PTX3: variants seen among roughly 807,000 people sequenced by gnomAD.
The protein encoded by PTX3 is pentraxin 3.
In PTX3, 24 loss-of-function variants were observed where a neutral mutation model predicts 23.5. The ratio of observed to expected loss-of-function variants is 1.02; its 90% CI spans 0.74 to 1.43. The LOEUF (loss-of-function observed/expected upper bound fraction) is 1.43, where lower values mean the gene tolerates loss of function less well. Ranked by LOEUF, PTX3 falls within the 40% of genes most tolerant of loss-of-function variation. The probability of loss-of-function intolerance (pLI) is 0.00; values close to 1 mark genes in which losing one functional copy is unlikely to be tolerated. For synonymous variants in PTX3, 218 were observed against 205.4 expected (o/e 1.06, Z -0.53); for missense variants, 510 against 497.5 (o/e 1.02, Z -0.24).
intron 2 of PTX3, among the ~76,000 whole-genome samples, chr3:157,440,387 C>T (rs1734024748): frequency 6.6e-6 from 1 of 152,198 alleles, no homozygotes; most frequent in South Asian, 2.1e-4. Flanking sequence ...GAGCCTACCC[C>T]TGAGCCACTT....
intron 2 of PTX3, 123 bp downstream of exon 2, chr3:157,438,037 GCACACACACACACACACACA>G (rs781700719): frequency 1.6e-5 from 8 of 516,032 alleles, no homozygotes; most frequent in Non-Finnish European, 2.5e-5. Context: ...GCGCGCGCGC[GCACACACACACACACACACA>G]CACACACACA....
In PTX3 at chr3:157,443,016, C is replaced by T. The variant is rs1734262023; in HGVS notation, c.*37C>T. The T allele has an allele frequency of 6.4e-7, 1 of 1,559,252 alleles. No homozygotes were observed. Among genetic ancestry groups the T allele is most frequent in the Non-Finnish European group, 8.7e-7 (1 of 1,155,658 alleles). On this transcript the variant is annotated 3_prime_UTR_variant, in exon 3 of 3. Coordinates refer to ENST00000295927, the MANE Select transcript of PTX3 (RefSeq NM_002852.4). Reference sequence around the variant, plus strand: ...CTCCACTTGAAGCCAAAGAAAGAAACTCACACTTAAAACACATGCCAGTTG... The same window carrying T: ...CTCCACTTGAAGCCAAAGAAAGAAATTCACACTTAAAACACATGCCAGTTG...
intron 2 of PTX3, among the ~76,000 whole-genome samples, chr3:157,439,433 C>G (rs755366530): frequency 6.6e-6 from 1 of 152,208 alleles, no homozygotes; most frequent in Non-Finnish European, 1.5e-5. Flanking sequence ...TCCTAAGAAC[C>G]TGGTTTTAAT....
In PTX3 at chr3:157,436,871, A is replaced by C; in HGVS notation, c.-63A>C. On this transcript the variant is annotated 5_prime_UTR_variant, in exon 1 of 3. Coordinates refer to ENST00000295927, the MANE Select transcript of PTX3 (RefSeq NM_002852.4). ...TCTCACTCTCACTCTCCTCCGCTCA[A>C]ACTCAGCTCACTTGAGAGTCTCCTC... The C allele has an allele frequency of 1.9e-6, 3 of 1,572,290 alleles. No individual in the cohort carries two copies. The highest frequency in any genetic ancestry group is 2.6e-6 in the Non-Finnish European group (3 of 1,153,696).
chr3:157,441,928 A>G (rs1023604291), intron 2 of PTX3, among the ~76,000 whole-genome samples: 27 of 152,176 alleles, frequency 1.8e-4, no homozygotes, highest in African/African-American at 5.1e-4. Flanking sequence ...CAGGTTTATT[A>G]TTTTAGGAAC....
chr3:157,438,498 CTT>C (rs1733854546), intron 2 of PTX3, among the ~76,000 whole-genome samples: 1 of 152,172 alleles, frequency 6.6e-6, no homozygotes, highest in Non-Finnish European at 1.5e-5. Context: ...CAGCGGAATT[CTT>C]CAGGGGTCCC....
intron 2 of PTX3, among the ~76,000 whole-genome samples, chr3:157,440,398 G>A (rs2109222991): frequency 6.6e-6 from 1 of 152,206 alleles, no homozygotes; most frequent in African/African-American, 2.4e-5. Flanking sequence ...TGAGCCACTT[G>A]TAGGAATCTG....
intron 1 of PTX3, 59 bp downstream of exon 1, chr3:157,437,122 A>G: frequency 6.3e-7 from 1 of 1,584,754 alleles, no homozygotes; most frequent in South Asian, 1.1e-5. Context: ...CTCTTGGTCT[A>G]AATAACACAC....
intron 2 of PTX3, among the ~76,000 whole-genome samples, chr3:157,439,347 A>G (rs1192686418): frequency 6.6e-6 from 1 of 152,196 alleles, no homozygotes; most frequent in Non-Finnish European, 1.5e-5. Flanking sequence ...ATCCAATAAT[A>G]CTTTTACCCA....
At chr3:157,440,393 C>G (rs1004225220) in intron 2 of PTX3, among the ~76,000 whole-genome samples, 1 of 152,138 alleles carries the variant, frequency 6.6e-6, no homozygotes, top group East Asian at 1.9e-4. Context: ...ACCCCTGAGC[C>G]ACTTGTAGGA....
chr3:157,438,554 G>C (rs1733861505), intron 2 of PTX3, among the ~76,000 whole-genome samples: 1 of 152,164 alleles, frequency 6.6e-6, no homozygotes, highest in Non-Finnish European at 1.5e-5. Context: ...GGGGAGGTCG[G>C]AGGGTGTGCG....
Position 157,442,435 on chromosome 3 carries a change from CA to C in PTX3, c.604del (p.Met202Ter), listed in dbSNP as rs780989732. On this transcript the variant is annotated frameshift_variant, in exon 3 of 3. Transcript: ENST00000295927. LOFTEE classifies it high-confidence loss of function. ...TTTGGAAGCGTGCATCCAGTGAGAC[CA>C]ATGAGGCTTGAGTCTTTTAGTGCCT... ...KIFGSVHPVRPMRLESFSACI... is the reference protein window; with the variant it reads ...KIFGSVHPVRXMRLESFSACI... The C allele has an allele frequency of 6.2e-7, 1 of 1,614,084 alleles. No homozygotes were observed. Among genetic ancestry groups the C allele is most frequent in the Non-Finnish European group, 8.5e-7 (1 of 1,180,002 alleles).
intron 2 of PTX3, among the ~76,000 whole-genome samples, chr3:157,441,570 G>A (rs1301103263): frequency 6.6e-6 from 1 of 152,140 alleles, no homozygotes; most frequent in East Asian, 1.9e-4. Context: ...AGCATTTTGG[G>A]AGGCTGAGGC....
Position 157,436,960 on chromosome 3 carries a change from T to G in PTX3, c.27T>G (p.Cys9Trp). 1.2e-6 allele frequency: 2 copies of G among 1,614,034 alleles called. No individual in the cohort carries two copies. Among genetic ancestry groups the G allele is most frequent in the Non-Finnish European group, 1.7e-6 (2 of 1,179,974 alleles). MHLLAILF[C>W]ALWSAVLAEN... ...TGCATCTCCTTGCGATTCTGTTTTG[T>G]GCTCTCTGGTCTGCAGTGTTGGCCG... Residue 9 changes from cysteine to tryptophan, a missense_variant, in exon 1 of 3, where the codon TGT becomes TGG. Coordinates refer to ENST00000295927, the MANE Select transcript of PTX3 (RefSeq NM_002852.4).
rs1340504608 is a variant in PTX3, at chr3:157,436,962, C to T, written c.29C>T (p.Ala10Val). 6.2e-7 allele frequency: 1 copy of T among 1,613,932 alleles called. No homozygotes were observed. Among genetic ancestry groups the T allele is most frequent in the Non-Finnish European group, 8.5e-7 (1 of 1,179,952 alleles). The change falls in exon 1 of 3, where the codon GCT becomes GTT. Residue 10 changes from alanine (A) to valine (V), a missense_variant. Ala to Val is a moderately conservative substitution (Grantham distance 64). Coordinates refer to ENST00000295927, the MANE Select transcript of PTX3 (RefSeq NM_002852.4). MHLLAILFC[A>V]LWSAVLAENS... The stretch of plus-strand genomic sequence containing the variant: ...CATCTCCTTGCGATTCTGTTTTGTG[C>T]TCTCTGGTCTGCAGTGTTGGCCGAG...
intron 2 of PTX3, among the ~76,000 whole-genome samples, chr3:157,439,579 A>G (rs1291750545): frequency 6.6e-6 from 1 of 152,238 alleles, no homozygotes; most frequent in Non-Finnish European, 1.5e-5. Context: ...CACCAAAAAT[A>G]GCCAACATGC....
In PTX3 at chr3:157,437,530, G is replaced by T; in HGVS notation, c.148G>T (p.Gly50Cys). 6.2e-7 allele frequency: 1 copy of T among 1,605,952 alleles called. No homozygotes were observed. ...PTEDPTPCAC[G>C]QEHSEWDKLF... The stretch of plus-strand genomic sequence containing the variant: ...TACTCTAGCCACGCCGTGCGCCTGC[G>T]GTCAGGAGCACTCGGAATGGGACAA... Residue 50 changes from glycine (G) to cysteine (C), a missense_variant, in exon 2 of 3, where the codon GGT (glycine) becomes TGT (cysteine). By Grantham distance (159) the Gly-to-Cys change is radical. Coordinates refer to ENST00000295927, the MANE Select transcript of PTX3 (RefSeq NM_002852.4).
intron 1 of PTX3, 94 bp from the exon 2 acceptor site, chr3:157,437,419 G>A (rs1048879943): frequency 4.2e-5 from 62 of 1,461,426 alleles, no homozygotes; most frequent in Admixed American, 1.0e-4. Context: ...GGAACGGGCT[G>A]CAACTTGGCA....
At chr3:157,439,617 A>G (rs1329458254) in intron 2 of PTX3, among the ~76,000 whole-genome samples, 2 of 152,230 alleles carry the variant, frequency 1.3e-5, no homozygotes, top group African/African-American at 2.4e-5. Context: ...TTATATAGCC[A>G]GCGTAGCCTA....
Sources: gnomAD v4.1 joint callset for allele counts (sites outside exome capture counted in the v4.1 genomes callset) on GRCh38, gnomAD v4.1.1 for gene constraint, MANE v1.5 for transcripts, NCBI Gene and HGNC (gene_info 2026-07-23, HGNC 2026-07-21) for gene names.